The following NRXN1 variants were observed in gnomAD, a reference collection of about 807,000 sequenced individuals.
The protein encoded by NRXN1 is neurexin-1.
In NRXN1, 39 loss-of-function variants were observed where a neutral mutation model predicts 150.9. That is an observed-to-expected ratio of 0.26 (90% CI 0.20 to 0.34). The LOEUF (loss-of-function observed/expected upper bound fraction) is 0.34. NRXN1 is among the 10% of genes least tolerant of loss of function. NRXN1 has a pLI of 1.00. For synonymous variants in NRXN1, 924 were observed against 757.0 expected (o/e 1.22, Z -3.62); for missense variants, 1,815 against 1,949.9 (o/e 0.93, Z 1.30).
At chr2:50,949,238 T>C (rs558132127) in intron 2 of NRXN1, among the ~76,000 whole-genome samples, 1 of 152,150 alleles carries the variant, frequency 6.6e-6, no homozygotes, top group African/African-American at 2.4e-5. Context: ...AGGGAAAACA[T>C]TCACTATATT....
chr2:50,392,046 A>T (rs897242584), intron 17 of NRXN1, among the ~76,000 whole-genome samples: 1 of 152,166 alleles, frequency 6.6e-6, no homozygotes. Context: ...CAAAGTTGCC[A>T]TCTATGATAA....
chr2:50,716,459 A>C (rs1219473027), intron 5 of NRXN1, among the ~76,000 whole-genome samples: 1 of 152,152 alleles, frequency 6.6e-6, no homozygotes, highest in Non-Finnish European at 1.5e-5. Context: ...AATAATGAAA[A>C]ATAAAATAAT....
intron 17 of NRXN1, among the ~76,000 whole-genome samples, chr2:50,372,909 C>T (rs1167526508): frequency 3.3e-5 from 5 of 152,076 alleles, no homozygotes; most frequent in Non-Finnish European, 5.9e-5. Flanking sequence ...TTCAAAAACA[C>T]ACCTTACCAT....
chr2:50,615,670 G>A (rs1455990445), intron 8 of NRXN1: 1 of 152,072 alleles, frequency 6.6e-6, no homozygotes, highest in Non-Finnish European at 1.5e-5. Flanking sequence ...AATATATCTA[G>A]TGAGCACCTG....
chr2:50,550,837 C>T (rs1464121839), intron 9 of NRXN1, among the ~76,000 whole-genome samples: 2 of 151,652 alleles, frequency 1.3e-5, no homozygotes, highest in African/African-American at 2.4e-5. Flanking sequence ...ACCGCCACCA[C>T]GCCCGACTAA....
chr2:50,005,833 C>G (rs1345869118), intron 21 of NRXN1, among the ~76,000 whole-genome samples: 2 of 152,138 alleles, frequency 1.3e-5, no homozygotes, highest in African/African-American at 4.8e-5. Flanking sequence ...CTGCCTCAGA[C>G]GCATTTCTGC....
At chr2:50,897,350 A>C (rs752964126) in intron 5 of NRXN1, among the ~76,000 whole-genome samples, 9 of 152,192 alleles carry the variant, frequency 5.9e-5, no homozygotes, top group Admixed American at 5.9e-4. Flanking sequence ...AATTTTTCTC[A>C]AACAATGAGT....
At chr2:50,579,929 G>T (rs1468803699) in intron 8 of NRXN1, among the ~76,000 whole-genome samples, 3 of 152,198 alleles carry the variant, frequency 2.0e-5, no homozygotes, top group Non-Finnish European at 2.9e-5. Flanking sequence ...TTTTCTGATG[G>T]GGGATTCTTC....
chr2:50,785,072 G>A (rs965539244), intron 5 of NRXN1, among the ~76,000 whole-genome samples: 1 of 151,912 alleles, frequency 6.6e-6, no homozygotes, highest in African/African-American at 2.4e-5. Context: ...TTTCCAAGAA[G>A]AGGAAGAGAC....
At chr2:50,408,837 A>ATCTCTCTCTCTCTCTCTCTCTCTC (rs10522429) in intron 17 of NRXN1, among the ~76,000 whole-genome samples, 87 of 136,626 alleles carry the variant, frequency 6.4e-4, no homozygotes, top group Non-Finnish European at 1.0e-3. Flanking sequence ...ATCAATCTCA[A>ATCTCTCTCTCTCTCTCTCTCTCTC]TCTCTCTCTC....
chr2:50,940,953 C>T (rs1218005087), intron 2 of NRXN1, among the ~76,000 whole-genome samples: 1 of 152,096 alleles, frequency 6.6e-6, no homozygotes, highest in Non-Finnish European at 1.5e-5. Flanking sequence ...GTTTCTCCAC[C>T]CAAATCTCAT....
At chr2:50,303,692 A>G (rs1444921280) in intron 17 of NRXN1, among the ~76,000 whole-genome samples, 1 of 152,178 alleles carries the variant, frequency 6.6e-6, no homozygotes, top group Non-Finnish European at 1.5e-5. Context: ...TCAAGACAAA[A>G]TTTATTGAAA....
chr2:50,142,399 C>A (rs1329116966), intron 18 of NRXN1, among the ~76,000 whole-genome samples: 14 of 151,692 alleles, frequency 9.2e-5, no homozygotes, highest in Admixed American at 9.2e-4. Context: ...TTTGATAGCA[C>A]AGTAGGGTGA....
rs1699538862 is a variant in NRXN1 at position 50,091,396 on chromosome 2, A to C, written c.3645T>G (p.Val1215=). ...AIINDGKYHV[V]RFTRSGGNAT... ...CATTGCCACCACTCCTCGTGAAACG[A>C]ACTACATGGTATTTCCCATCATTAA... Residue 1215 remains valine, a synonymous_variant, in exon 19 of 23, where the codon GTT becomes GTG. Coordinates refer to ENST00000401669, the MANE Select transcript of NRXN1 (RefSeq NM_001330078.2). 2 of 1,614,226 alleles carry C rather than the reference A, an allele frequency of 1.2e-6. No individual in the cohort carries two copies. The highest frequency in any genetic ancestry group is 1.7e-6 in the Non-Finnish European group (2 of 1,180,038).
intron 5 of NRXN1, among the ~76,000 whole-genome samples, chr2:50,858,796 A>C (rs1319133693): frequency 6.6e-6 from 1 of 152,138 alleles, no homozygotes; most frequent in South Asian, 2.1e-4. Context: ...TTTCTATATA[A>C]AATTGCACAA....
chr2:50,146,617 C>A (rs778803702), intron 18 of NRXN1, among the ~76,000 whole-genome samples: 2 of 151,606 alleles, frequency 1.3e-5, no homozygotes, highest in Non-Finnish European at 3.0e-5. Flanking sequence ...AACAATGAGG[C>A]TTTCAATTAA....
chr2:50,185,432 TCTCTC>T (rs770548959), intron 18 of NRXN1: 9 of 152,048 alleles, frequency 5.9e-5, no homozygotes, highest in Admixed American at 2.0e-4. Context: ...GTCAAGAAGT[TCTCTC>T]CTTCCTGAGC....
intron 2 of NRXN1, chr2:51,026,373 T>C: frequency 6.3e-7 from 1 of 1,581,342 alleles, no homozygotes; most frequent in African/African-American, 1.3e-5. Flanking sequence ...TCACTCACTT[T>C]CTGTTAGAGG....
At chr2:50,991,991 T>C (rs1300853397) in intron 2 of NRXN1, among the ~76,000 whole-genome samples, 1 of 152,018 alleles carries the variant, frequency 6.6e-6, no homozygotes, top group Non-Finnish European at 1.5e-5. Context: ...AGTGTGTACA[T>C]ATGAATCTTT....
Sources: gnomAD v4.1 joint callset for allele counts (sites outside exome capture counted in the v4.1 genomes callset) on GRCh38, gnomAD v4.1.1 for gene constraint, MANE v1.5 for transcripts, NCBI Gene and HGNC (gene_info 2026-07-23, HGNC 2026-07-21) for gene names.